RNF7: variants seen among roughly 807,000 people sequenced by gnomAD.
RNF7 encodes the protein RING-box protein 2.
In RNF7, 9 loss-of-function variants were observed where a neutral mutation model predicts 17.0. The observed-to-expected ratio is 0.53, with a 90% CI of 0.32 to 0.92. The LOEUF (loss-of-function observed/expected upper bound fraction) is 0.92, where lower values mean the gene tolerates loss of function less well. Ranked by LOEUF, RNF7 falls within the 40% of genes least tolerant of loss-of-function variation. RNF7 has a pLI of 0.04. For missense variants in RNF7, 87 were observed against 145.8 expected (o/e 0.60, Z 2.08); for synonymous variants, 59 against 50.5 (o/e 1.17, Z -0.72).
chr3:141,743,359 C>T (rs2084440686), intron 1 of RNF7, 150 bp from the exon 2 acceptor site: 1 of 526,226 alleles, frequency 1.9e-6, no homozygotes, highest in African/African-American at 1.9e-5. Context: ...TACTTTATTC[C>T]TCTTTAAGTA....
chr3:141,745,677 CAAAT>C lies in RNF7; in HGVS notation c.*404_*407del, dbSNP rs1204654192. On this transcript the variant is annotated 3_prime_UTR_variant, in exon 3 of 3. Coordinates refer to ENST00000273480, the MANE Select transcript of RNF7 (RefSeq NM_014245.5). ...CAGTTAAAAAAGAATGTTACAGTAA[CAAAT>C]AAAGTGCAGTTTAAAACCCAACTCT... The C allele has an allele frequency of 5.2e-5, 8 of 152,934 alleles. No individual in the cohort carries two copies. Among genetic ancestry groups the C allele is most frequent in the Non-Finnish European group, 7.3e-5 (5 of 68,324 alleles). 9.5% of individuals were successfully genotyped at this position (152,934 alleles called of 1,614,324 possible). A position where few individuals can be genotyped will look rare whatever the true frequency, so the allele number is the denominator to read the frequency against.
chr3:141,739,245 A>AC (rs2084390390), intron 1 of RNF7, among the ~76,000 whole-genome samples: 1 of 151,748 alleles, frequency 6.6e-6, no homozygotes, highest in Admixed American at 6.6e-5. Context: ...CCTCCATCAC[A>AC]CCCCCCTCTC....
In RNF7 at chr3:141,745,478, A is replaced by C; in HGVS notation, c.*201A>C. 1 of 379,932 alleles carries C rather than the reference A, an allele frequency of 2.6e-6. No individual in the cohort carries two copies. The highest frequency in any genetic ancestry group is 4.9e-6 in the Non-Finnish European group (1 of 202,886). 23.5% of individuals were successfully genotyped at this position (379,932 alleles called of 1,614,324 possible). ...TCAGAAATTCTCTGCGATTAAGAAG[A>C]TAATTTATTAAAGGTGGTCCTTCCT... is the stretch of plus-strand genomic sequence containing the variant. On this transcript the variant is annotated 3_prime_UTR_variant, in exon 3 of 3. Transcript: ENST00000273480.
At chr3:141,742,602 C>G (rs748989232) in intron 1 of RNF7, 10 of 1,171,218 alleles carry the variant, frequency 8.5e-6, no homozygotes, top group Non-Finnish European at 1.1e-6. Flanking sequence ...ATCATCCCCA[C>G]TTAATATATA....
chr3:141,738,615 C>T lies in RNF7; in HGVS notation c.175+99C>T, dbSNP rs1228467605. On this transcript the variant is annotated intron_variant, in intron 1 of 2. Transcript: ENST00000273480. ...CGTCCGTCAGAAGCCTCGGAAAGTG[C>T]CCTGCCTGGGAGAGTGGGTGGAGGT... 5 of 1,290,926 alleles carry T rather than the reference C, an allele frequency of 3.9e-6. No homozygotes were observed. In the East Asian group the frequency reaches 1.4e-4, roughly 35 times the overall value. The allele number at this position is 1,290,926 out of a possible 1,614,324, so 80.0% of individuals were successfully genotyped here. A position where few individuals can be genotyped will look rare whatever the true frequency, so the allele number is the denominator to read the frequency against.
chr3:141,744,425 A>G (rs6785106), intron 2 of RNF7, among the ~76,000 whole-genome samples: 10,543 of 151,960 alleles, frequency 0.069, 1,245 homozygotes, highest in African/African-American at 0.24. Flanking sequence ...TCAGTTGATC[A>G]AGCAAGGGAC....
At chr3:141,739,815 C>T (rs1203567398) in intron 1 of RNF7, among the ~76,000 whole-genome samples, 3 of 152,100 alleles carry the variant, frequency 2.0e-5, no homozygotes, top group Admixed American at 2.0e-4. Context: ...ATCACTTGAG[C>T]CCAGGAGTTT....
chr3:141,742,464 G>A (rs553556356), intron 1 of RNF7, among the ~76,000 whole-genome samples: 1 of 151,784 alleles, frequency 6.6e-6, no homozygotes, highest in Admixed American at 6.6e-5. Flanking sequence ...CTGACCTCGT[G>A]ATCCGCCCGC....
intron 2 of RNF7, 132 bp downstream of exon 2, chr3:141,743,688 A>G (rs2084443865): frequency 3.3e-6 from 2 of 599,096 alleles, no homozygotes; most frequent in South Asian, 5.8e-5. Flanking sequence ...CATTGTTAAT[A>G]TAAAATATGT....
intron 1 of RNF7, among the ~76,000 whole-genome samples, chr3:141,739,789 C>T (rs2107854262): frequency 6.6e-6 from 1 of 152,252 alleles, no homozygotes; most frequent in Non-Finnish European, 1.5e-5. Flanking sequence ...AGACATGACC[C>T]ACTTATTTTA....
chr3:141,745,342 C>T lies in RNF7; in HGVS notation c.*65C>T, dbSNP rs551038096. ...CTGGTGGATCTTGTAATCCAGTGCC[C>T]TACAAAGGCTAGAACACTACAGGGG... is the stretch of plus-strand genomic sequence containing the variant. On this transcript the variant is annotated 3_prime_UTR_variant, in exon 3 of 3. Transcript: ENST00000273480. 1.1e-5 allele frequency: 12 copies of T among 1,063,610 alleles called. No individual in the cohort carries two copies. In the African/African-American group the frequency reaches 1.9e-4, roughly 17 times the overall value. 65.9% of individuals were successfully genotyped at this position (1,063,610 alleles called of 1,614,324 possible). A position where few individuals can be genotyped will look rare whatever the true frequency, so the allele number is the denominator to read the frequency against.
intron 2 of RNF7, among the ~76,000 whole-genome samples, chr3:141,744,430 A>G (rs2084452152): frequency 6.6e-6 from 1 of 152,078 alleles, no homozygotes; most frequent in Non-Finnish European, 1.5e-5. Flanking sequence ...TGATCAAGCA[A>G]GGGACAGATG....
intron 1 of RNF7, among the ~76,000 whole-genome samples, chr3:141,740,533 G>A (rs1237474167): frequency 6.6e-6 from 1 of 152,120 alleles, no homozygotes; most frequent in Non-Finnish European, 1.5e-5. Flanking sequence ...TACAACAGCT[G>A]TACTTTGGGT....
In RNF7 at chr3:141,738,426, A is replaced by T; in HGVS notation, c.85A>T (p.Met29Leu). ...AGGCTCCAAGTCGGGAGGCGACAAG[A>T]TGTTCTCCCTCAAGAAGTGGAACGC... ...SSGSKSGGDK[M>L]FSLKKWNAVA... Residue 29 changes from methionine to leucine, a missense_variant, in exon 1 of 3, where the codon ATG (methionine) becomes TTG (leucine). By Grantham distance (15) the Met-to-Leu change is conservative. Transcript: ENST00000273480. The T allele has an allele frequency of 6.2e-7, 1 of 1,612,836 alleles. No individual in the cohort carries two copies. The highest frequency in any genetic ancestry group is 8.5e-7 in the Non-Finnish European group (1 of 1,179,464).
rs2084485035 is a variant in RNF7, at chr3:141,747,394, A to C, written c.*2117A>C. Reference sequence around the variant, plus strand: ...CTGTTGCATTAGAAACAAACAAGTTATCTTTCGCTATTTAATTTTCCCTCT... The same window carrying C: ...CTGTTGCATTAGAAACAAACAAGTTCTCTTTCGCTATTTAATTTTCCCTCT... On this transcript the variant is annotated 3_prime_UTR_variant, in exon 3 of 3. Coordinates refer to ENST00000273480, the MANE Select transcript of RNF7 (RefSeq NM_014245.5). 2 of 152,206 alleles carry C rather than the reference A, an allele frequency of 1.3e-5. No homozygotes were observed. The highest frequency in any genetic ancestry group is 2.9e-5 in the Non-Finnish European group (2 of 68,046). 9.4% of individuals were successfully genotyped at this position (152,206 alleles called of 1,614,324 possible).
Position 141,746,545 on chromosome 3 carries a change from A to G in RNF7, c.*1268A>G. On this transcript the variant is annotated 3_prime_UTR_variant, in exon 3 of 3. Transcript: ENST00000273480. The stretch of plus-strand genomic sequence containing the variant: ...TTATTACCTGGAAAGAGTGCAAGAA[A>G]ATACTAAACAACTTTATCAAACTGA... 1 of 151,052 alleles carries G rather than the reference A, an allele frequency of 6.6e-6. No individual in the cohort carries two copies. Among genetic ancestry groups the G allele is most frequent in the East Asian group, 2.0e-4 (1 of 5,106 alleles). 9.4% of individuals were successfully genotyped at this position (151,052 alleles called of 1,614,324 possible).
intron 2 of RNF7, among the ~76,000 whole-genome samples, chr3:141,744,162 G>A (rs2084448199): frequency 6.6e-6 from 1 of 152,076 alleles, no homozygotes; most frequent in Non-Finnish European, 1.5e-5. Flanking sequence ...TAAAAGATTG[G>A]CTTTGTATTT....
intron 1 of RNF7, among the ~76,000 whole-genome samples, chr3:141,740,549 A>G (rs992960897): frequency 1.3e-5 from 2 of 152,202 alleles, no homozygotes; most frequent in African/African-American, 4.8e-5. Flanking sequence ...TGGGTTCAGG[A>G]AATTATTCTA....
Position 141,745,344 on chromosome 3 carries a change from A to G in RNF7, c.*67A>G, listed in dbSNP as rs759421128. ...GGTGGATCTTGTAATCCAGTGCCCT[A>G]CAAAGGCTAGAACACTACAGGGGAT... is the stretch of plus-strand genomic sequence containing the variant. On this transcript the variant is annotated 3_prime_UTR_variant, in exon 3 of 3. Coordinates refer to ENST00000273480, the MANE Select transcript of RNF7 (RefSeq NM_014245.5). The G allele has an allele frequency of 2.8e-6, 3 of 1,067,624 alleles. No homozygotes were observed. Among genetic ancestry groups the G allele is most frequent in the Non-Finnish European group, 4.3e-6 (3 of 693,384 alleles). The allele number at this position is 1,067,624 out of a possible 1,614,324, so 66.1% of individuals were successfully genotyped here.
Sources: gnomAD v4.1 joint callset for allele counts (sites outside exome capture counted in the v4.1 genomes callset) on GRCh38, gnomAD v4.1.1 for gene constraint, MANE v1.5 for transcripts, NCBI Gene and HGNC (gene_info 2026-07-23, HGNC 2026-07-21) for gene names.